The following PUDP variants were observed in gnomAD, a reference collection of about 807,000 sequenced individuals.
PUDP encodes pseudouridine 5'-phosphatase.
In PUDP, 8 loss-of-function variants were observed where a neutral mutation model predicts 9.4. The observed-to-expected ratio is 0.85, with a 90% CI of 0.50 to 1.53. The LOEUF is 1.53. PUDP is among the 40% of genes most tolerant of loss of function. PUDP has a pLI of 0.00. For synonymous variants in PUDP, 99 were observed against 80.7 expected (o/e 1.23, Z -1.22); for missense variants, 188 against 189.7 (o/e 0.99, Z 0.05).
intron 3 of PUDP, among the ~76,000 whole-genome samples, chrX:6,805,856 T>C (rs745448117): frequency 1.8e-5 from 2 of 111,312 alleles, no homozygotes; most frequent in Non-Finnish European, 3.8e-5. Flanking sequence ...AATCATGTTG[T>C]GAATTTTGTA....
At chrX:6,840,933 TA>T (rs1926658935) in intron 3 of PUDP, among the ~76,000 whole-genome samples, 1 of 110,695 alleles carries the variant, frequency 9.0e-6, no homozygotes, top group Non-Finnish European at 1.9e-5. Context: ...AATAGTCTTT[TA>T]AAAAAAAGGT....
At chrX:6,714,991 ATATG>A (rs1452781073) in intron 1 of PUDP, among the ~76,000 whole-genome samples, 3 of 94,678 alleles carry the variant, frequency 3.2e-5, no homozygotes, top group Non-Finnish European at 3.9e-5. Context: ...GTATATATAT[ATATG>A]TGTGTGTGTG....
At chrX:6,774,081 G>A (rs1446855224) in intron 3 of PUDP, among the ~76,000 whole-genome samples, 1 of 111,842 alleles carries the variant, frequency 8.9e-6, no homozygotes, top group Non-Finnish European at 1.9e-5. Context: ...AGAGTTGGCA[G>A]TGAGCTGAGA....
chrX:6,931,501 G>A (rs760477154), intron 3 of PUDP, among the ~76,000 whole-genome samples: 91 of 111,781 alleles, frequency 8.1e-4, no homozygotes, highest in African/African-American at 2.7e-3. Context: ...AAGCAAAAGC[G>A]TCTAACACGA....
chrX:7,057,832 A>G (rs1432330630), intron 3 of PUDP: 6 of 1,119,727 alleles, frequency 5.4e-6, no homozygotes, highest in Admixed American at 5.2e-5. Context: ...CTCTAGGTAC[A>G]GTTTGGGCAG....
chrX:6,871,071 G>A (rs993464965), intron 3 of PUDP, among the ~76,000 whole-genome samples: 13 of 111,886 alleles, frequency 1.2e-4, no homozygotes, highest in Non-Finnish European at 1.9e-4. Context: ...TTCTGGTCTC[G>A]TCCTCCAATC....
chrX:6,934,526 T>C (rs1306415704), intron 3 of PUDP, among the ~76,000 whole-genome samples: 2 of 109,632 alleles, frequency 1.8e-5, no homozygotes, highest in African/African-American at 6.7e-5. Flanking sequence ...CGCTGCAAAA[T>C]CATGCCAAAA....
intron 3 of PUDP, among the ~76,000 whole-genome samples, chrX:6,743,251 G>A (rs1357533589): frequency 1.8e-5 from 2 of 112,089 alleles, no homozygotes; most frequent in Non-Finnish European, 1.9e-5. Flanking sequence ...GGTTGTCTGA[G>A]GGCAGCCCCA....
intron 1 of PUDP, among the ~76,000 whole-genome samples, chrX:7,122,405 G>A (rs1266349488): frequency 9.0e-6 from 1 of 111,487 alleles, no homozygotes; most frequent in Admixed American, 9.5e-5. Context: ...AATTTTTCTG[G>A]TCACAGAGAT....
chrX:7,106,188 G>A (rs963742752), intron 1 of PUDP, among the ~76,000 whole-genome samples: 38 of 112,606 alleles, frequency 3.4e-4, no homozygotes, highest in African/African-American at 1.2e-3. Context: ...ATCATTACTC[G>A]GTGTTCCCAA....
chrX:6,739,284 A>G (rs1924909255), intron 3 of PUDP, among the ~76,000 whole-genome samples: 1 of 111,780 alleles, frequency 8.9e-6, no homozygotes, highest in South Asian at 3.8e-4. Flanking sequence ...CAACAGTCAC[A>G]TGGCATCCCT....
At chrX:6,871,663 G>C (rs1438553001) in intron 3 of PUDP, among the ~76,000 whole-genome samples, 1 of 111,347 alleles carries the variant, frequency 9.0e-6, no homozygotes, top group East Asian at 2.8e-4. Context: ...GTGCCAGCCA[G>C]GGTGACCAGT....
chrX:6,755,981 GA>G (rs775328251), intron 3 of PUDP, among the ~76,000 whole-genome samples: 1 of 111,324 alleles, frequency 9.0e-6, no homozygotes, highest in South Asian at 3.8e-4. Context: ...AAGAGATTAG[GA>G]AGGTCAAAGT....
chrX:6,988,506 G>A (rs1293544528), intron 1 of PUDP, among the ~76,000 whole-genome samples: 1 of 112,049 alleles, frequency 8.9e-6, no homozygotes, highest in African/African-American at 3.2e-5. Context: ...ATATGTCTAC[G>A]CATAAGTGTG....
chrX:7,001,638 A>G (rs1207730612), intron 1 of PUDP, among the ~76,000 whole-genome samples: 2 of 111,719 alleles, frequency 1.8e-5, no homozygotes, highest in East Asian at 5.6e-4. Context: ...TGACCAGTGA[A>G]AAGAATCGAG....
In PUDP at chrX:6,941,685, A is replaced by AC. The variant is rs1555918261; in HGVS notation, c.*247+35447_*247+35448insG. ...GTGGAAAATAAGAACAAAACTTGGG[A>AC]TTTTTTTTTCCAGCTTTATTGAGGC... On this transcript the variant is annotated intron_variant and NMD_transcript_variant, in intron 3 of 3. Coordinates refer to the PUDP transcript ENST00000655425. Among the ~76,000 whole-genome samples, 4 of 108,688 alleles carry AC rather than the reference A, an allele frequency of 3.7e-5. No individual in the cohort carries two copies. The South Asian group carries it at 1.6e-3, about 42-fold the overall frequency. The allele number at this position is 108,688 out of a possible 115,157, so 94.4% of individuals were successfully genotyped here. A position where few individuals can be genotyped will look rare whatever the true frequency, so the allele number is the denominator to read the frequency against.
rs1928684519 is a variant in PUDP, at chrX:6,960,015, G to A, written c.*247+17118C>T. Among the ~76,000 whole-genome samples, 4 of 112,463 alleles carry A rather than the reference G, an allele frequency of 3.6e-5. No homozygotes were observed. The South Asian group carries it at 1.5e-3, about 41-fold the overall frequency. ...AAAGTAGATATCTTGTTTGATTTCAGAGGCTCACAACTGAGAGAAATTTGC... is the reference window on the plus strand; with the variant it reads ...AAAGTAGATATCTTGTTTGATTTCAAAGGCTCACAACTGAGAGAAATTTGC... On this transcript the variant is annotated intron_variant and NMD_transcript_variant, in intron 3 of 3. Coordinates refer to the PUDP transcript ENST00000655425.
At chrX:7,103,830 C>G (rs776116866) in intron 2 of PUDP, among the ~76,000 whole-genome samples, 1 of 112,045 alleles carries the variant, frequency 8.9e-6, no homozygotes, top group East Asian at 2.8e-4. Context: ...ATATGCAAAT[C>G]AAAACCATAA....
At chrX:6,872,696 T>TAAA (rs199625491) in intron 3 of PUDP, among the ~76,000 whole-genome samples, 17 of 63,832 alleles carry the variant, frequency 2.7e-4, no homozygotes, top group African/African-American at 8.4e-4. Flanking sequence ...AAGATTCCAT[T>TAAA]AAAAAAAAAA....
Sources: gnomAD v4.1 joint callset for allele counts (sites outside exome capture counted in the v4.1 genomes callset) on GRCh38, gnomAD v4.1.1 for gene constraint, MANE v1.5 for transcripts, NCBI Gene and HGNC (gene_info 2026-07-23, HGNC 2026-07-21) for gene names.